The following KHDRBS2 variants were observed in gnomAD, a reference collection of about 807,000 sequenced individuals.
KHDRBS2 encodes the protein KH RNA binding domain containing, signal transduction associated 2.
Under a neutral mutation model 44.3 loss-of-function variants are expected in KHDRBS2, and 26 were observed. The ratio of observed to expected loss-of-function variants is 0.59; its 90% CI spans 0.43 to 0.81. The LOEUF (loss-of-function observed/expected upper bound fraction) is 0.81. Ranked by LOEUF, KHDRBS2 falls within the 40% of genes least tolerant of loss-of-function variation. The pLI, the probability that KHDRBS2 is intolerant of heterozygous loss-of-function variation, is 0.00. For synonymous variants in KHDRBS2, 194 were observed against 151.1 expected, an observed-to-expected ratio of 1.28 and a Z score of -2.08; for missense variants, 476 against 433.1, an observed-to-expected ratio of 1.10 and a Z score of -0.88.
chr6:62,003,609 A>G (rs1562621286), intron 3 of KHDRBS2, among the ~76,000 whole-genome samples: 1 of 152,156 alleles, frequency 6.6e-6, no homozygotes, highest in African/African-American at 2.4e-5. Context: ...CAGATCAAAG[A>G]GACAGAAGGT....
intron 6 of KHDRBS2, among the ~76,000 whole-genome samples, chr6:61,788,313 T>G (rs1228227909): frequency 6.6e-6 from 1 of 151,468 alleles, no homozygotes; most frequent in African/African-American, 2.4e-5. Context: ...AGCTTTTAAA[T>G]AAGGTTTCAG....
rs1009225970 is a variant in KHDRBS2, at chr6:61,680,779, T to C, written c.*184A>G. 1 of 470,694 alleles carries C rather than the reference T, an allele frequency of 2.1e-6. No homozygotes were observed. Among genetic ancestry groups the C allele is most frequent in the African/African-American group, 2.0e-5 (1 of 50,774 alleles). 29.2% of individuals were successfully genotyped at this position (470,694 alleles called of 1,614,324 possible). ...AGTCTGTTTTGTAAAATAATACTAG[T>C]GTCAATGTCACGCCAACAGTACAGA... On this transcript the variant is annotated 3_prime_UTR_variant, in exon 9 of 9. Transcript: ENST00000281156.
intron 4 of KHDRBS2, among the ~76,000 whole-genome samples, chr6:61,945,012 A>G (rs1412966150): frequency 6.7e-6 from 1 of 149,284 alleles, no homozygotes; most frequent in East Asian, 2.0e-4. Context: ...AATGTCTCCA[A>G]TCTGGGAGGC....
chr6:62,206,612 A>G lies in KHDRBS2; in HGVS notation c.92-29300T>C, dbSNP rs117417545. 3.2e-4 allele frequency among the ~76,000 whole-genome samples: 48 copies of G among 152,222 alleles called. No individual in the cohort carries two copies. The East Asian group carries it at 8.7e-3, about 28-fold the overall frequency. ...CCTTATAAATATAGAAATAAAAACT[A>G]TAATAAGATTTTCAAGTCAGGAATA... On this transcript the variant is annotated intron_variant, in intron 1 of 8. Coordinates refer to ENST00000281156, the MANE Select transcript of KHDRBS2 (RefSeq NM_152688.4).
At chr6:61,650,120 T>G in the KHDRBS2 span, among the ~76,000 whole-genome samples, 1 of 152,280 alleles carries the variant, frequency 6.6e-6, no homozygotes, top group East Asian at 1.9e-4. Flanking sequence ...GCCTGCATTA[T>G]GCAGCTCCAG....
chr6:61,855,895 T>C (rs1223872853), intron 6 of KHDRBS2, among the ~76,000 whole-genome samples: 1 of 152,044 alleles, frequency 6.6e-6, no homozygotes, highest in Non-Finnish European at 1.5e-5. Flanking sequence ...TTTCCCTTTC[T>C]CTCACTCAGC....
At chr6:61,954,182 C>A (rs1319204083) in intron 4 of KHDRBS2, among the ~76,000 whole-genome samples, 1 of 151,960 alleles carries the variant, frequency 6.6e-6, no homozygotes, top group Non-Finnish European at 1.5e-5. Context: ...CTGCCAAGGT[C>A]TGGGACTGTC....
intron 6 of KHDRBS2, among the ~76,000 whole-genome samples, chr6:61,862,026 G>T (rs536357636): frequency 1.1e-4 from 17 of 152,118 alleles, no homozygotes; most frequent in African/African-American, 4.1e-4. Context: ...TCTATTGTTG[G>T]TGTATAGGAA....
intron 6 of KHDRBS2, among the ~76,000 whole-genome samples, chr6:61,827,464 C>T (rs1562258296): frequency 6.6e-6 from 1 of 152,104 alleles, no homozygotes; most frequent in Non-Finnish European, 1.5e-5. Flanking sequence ...ATTGAAAATG[C>T]TAGGCAGGAT....
chr6:62,243,605 A>C (rs1835056082), intron 1 of KHDRBS2, among the ~76,000 whole-genome samples: 1 of 75,548 alleles, frequency 1.3e-5, no homozygotes, highest in African/African-American at 1.8e-4. Flanking sequence ...ATACCTATAC[A>C]AAAAAAAAAA....
At chr6:61,861,699 CT>C (rs994937082) in intron 6 of KHDRBS2, among the ~76,000 whole-genome samples, 23 of 150,618 alleles carry the variant, frequency 1.5e-4, no homozygotes, top group African/African-American at 5.6e-4. Context: ...TATTCAGGCT[CT>C]TTTGGAGTTC....
intron 6 of KHDRBS2, among the ~76,000 whole-genome samples, chr6:61,889,007 T>C (rs1164024999): frequency 6.6e-6 from 1 of 152,124 alleles, no homozygotes; most frequent in Non-Finnish European, 1.5e-5. Context: ...CTTTTTGCAA[T>C]CAATAATGCC....
chr6:61,759,759 A>G (rs1562109914), intron 6 of KHDRBS2, among the ~76,000 whole-genome samples: 2 of 152,250 alleles, frequency 1.3e-5, no homozygotes, highest in Non-Finnish European at 2.9e-5. Context: ...CTCTGATACA[A>G]TGATGAGCAT....
At chr6:62,216,670 A>G (rs1254166813) in intron 1 of KHDRBS2, among the ~76,000 whole-genome samples, 1 of 149,478 alleles carries the variant, frequency 6.7e-6, no homozygotes, top group Non-Finnish European at 1.5e-5. Context: ...CCTGCTTCAA[A>G]TAATCTAAAC....
chr6:61,727,284 G>T (rs1231093410), intron 7 of KHDRBS2, among the ~76,000 whole-genome samples: 1 of 152,020 alleles, frequency 6.6e-6, no homozygotes, highest in Admixed American at 6.6e-5. Context: ...ATTAACTCAA[G>T]ATAAATTAAA....
the KHDRBS2 span, among the ~76,000 whole-genome samples, chr6:61,549,281 T>A: frequency 6.6e-6 from 1 of 152,144 alleles, no homozygotes; most frequent in African/African-American, 2.4e-5. Flanking sequence ...ACAATGTGTT[T>A]TAGTTGTCTG....
chr6:61,578,771 A>G, the KHDRBS2 span, among the ~76,000 whole-genome samples: 4 of 152,190 alleles, frequency 2.6e-5, no homozygotes, highest in Admixed American at 2.6e-4. Flanking sequence ...CCAATTAAAT[A>G]AAGCAGATTC....
chr6:62,073,824 G>C (rs1279372295), intron 2 of KHDRBS2, among the ~76,000 whole-genome samples: 1 of 151,554 alleles, frequency 6.6e-6, no homozygotes, highest in Non-Finnish European at 1.5e-5. Flanking sequence ...ATCGACATTA[G>C]TTGTCAACAA....
At chr6:61,606,650 G>A in the KHDRBS2 span, among the ~76,000 whole-genome samples, 2 of 152,116 alleles carry the variant, frequency 1.3e-5, no homozygotes, top group Non-Finnish European at 2.9e-5. Flanking sequence ...GAAAGGTATG[G>A]CTAGCAAAGT....
Sources: allele counts gnomAD v4.1 joint callset (sites outside exome capture counted in the v4.1 genomes callset), GRCh38; gene constraint gnomAD v4.1.1; transcripts MANE v1.5; gene names NCBI Gene and HGNC (gene_info 2026-07-23, HGNC 2026-07-21).